CPAMD8: variants seen among roughly 807,000 people sequenced by gnomAD.
The protein encoded by CPAMD8 is C3 and PZP like alpha-2-macroglobulin domain containing 8.
A neutral mutation model predicts 224.7 loss-of-function variants in CPAMD8; 146 were observed. The observed-to-expected ratio is 0.65, with a 90% CI of 0.57 to 0.75. CPAMD8 has a LOEUF of 0.75. CPAMD8 is among the 30% of genes least tolerant of loss of function. The pLI is 0.00. For missense variants in CPAMD8, 2,301 were observed against 2,537.5 expected (o/e 0.91, Z 2.00); for synonymous variants, 966 against 1,044.6 (o/e 0.92, Z 1.45).
At chr19:16,966,547 G>C (rs2054833037) in intron 18 of CPAMD8, among the ~76,000 whole-genome samples, 1 of 152,142 alleles carries the variant, frequency 6.6e-6, no homozygotes, top group Non-Finnish European at 1.5e-5. Flanking sequence ...CCATCAGAGT[G>C]AACAGGCAAC....
intron 12 of CPAMD8, among the ~76,000 whole-genome samples, chr19:16,990,937 T>C (rs1166415243): frequency 6.9e-6 from 1 of 145,768 alleles, no homozygotes; most frequent in Non-Finnish European, 1.5e-5. Context: ...AGGTAGACTC[T>C]AAATAGGGTA....
chr19:16,989,603 T>A lies in CPAMD8; in HGVS notation c.1395+40A>T, dbSNP rs76804598. 6.2e-5 allele frequency: 99 copies of A among 1,592,994 alleles called. No homozygotes were observed. The Admixed American group carries it at 9.4e-4, about 15-fold the overall frequency. ...CACCTGGCTCATGCTGCTTTTTGGATCCCGCATGGCCCAGGAAGGGTAGCT... is the reference window on the plus strand; with the variant it reads ...CACCTGGCTCATGCTGCTTTTTGGAACCCGCATGGCCCAGGAAGGGTAGCT... On this transcript the variant is annotated intron_variant, in intron 13 of 41. Transcript: ENST00000443236.
rs1488498215 is a variant in CPAMD8, at chr19:16,896,543, C to A, written c.5188G>T (p.Val1730Phe). The A allele has an allele frequency of 4.7e-6, 7 of 1,497,054 alleles. No homozygotes were observed. Among genetic ancestry groups the A allele is most frequent in the Non-Finnish European group, 6.2e-6 (7 of 1,130,256 alleles). 92.7% of individuals were successfully genotyped at this position (1,497,054 alleles called of 1,614,324 possible). ...CGCAGGCGGCAGGCGCTGGCGTAGA[C>A]CACCCCGTCGGAGCCGCACACCGGG... ...GNPVCGSDGV[V>F]YASACRLREA... Residue 1730 changes from valine (V) to phenylalanine (F), a missense_variant, in exon 40 of 42, where the codon GTC becomes TTC. This residue lies in a region of CPAMD8 where 1,709 missense variants were observed against 1,753.2 expected (regional missense o/e 0.97). Transcript: ENST00000443236.
intron 20 of CPAMD8, among the ~76,000 whole-genome samples, chr19:16,948,863 AAAGGAAAGGG>A (rs2054196701): frequency 1.3e-4 from 6 of 45,286 alleles, no homozygotes; most frequent in African/African-American, 4.2e-4. Flanking sequence ...GAAGGGAGGG[AAAGGAAAGGG>A]AAGGGAAGGG....
chr19:16,980,602 T>C lies in CPAMD8; in HGVS notation c.1480A>G (p.Ile494Val). The change falls in exon 14 of 42, where the codon ATT (isoleucine) becomes GTT (valine). Residue 494 changes from isoleucine (I) to valine (V), a missense_variant. Physicochemically the swap from Ile to Val is conservative, Grantham distance 29. Around this residue, in one of 4 missense-constraint regions of CPAMD8, gnomAD observed 301 missense variants for 406.6 expected, o/e 0.74. Coordinates refer to ENST00000443236, the MANE Select transcript of CPAMD8 (RefSeq NM_015692.5). Reference sequence around the variant, plus strand: ...GCAGGCTGCTGGCCCGATAGCACAATATTGCCCCGTGCAGCCACCTCGTAG... The same window carrying C: ...GCAGGCTGCTGGCCCGATAGCACAACATTGCCCCGTGCAGCCACCTCGTAG... ...LYYEVAARGN[I>V]VLSGQQPAHT... 6.2e-7 allele frequency: 1 copy of C among 1,612,028 alleles called. No individual in the cohort carries two copies. The highest frequency in any genetic ancestry group is 8.5e-7 in the Non-Finnish European group (1 of 1,179,238).
intron 9 of CPAMD8, 77 bp downstream of exon 9, chr19:17,002,189 G>T (rs969121095): frequency 7.2e-6 from 7 of 970,614 alleles, no homozygotes; most frequent in South Asian, 2.9e-5. Context: ...GGAGGGGAAC[G>T]ACCTTGAGGG....
chr19:16,931,850 C>CATAT (rs1028458130), intron 23 of CPAMD8, among the ~76,000 whole-genome samples: 1 of 152,146 alleles, frequency 6.6e-6, no homozygotes, highest in Non-Finnish European at 1.5e-5. Flanking sequence ...CTAAAGAAAT[C>CATAT]ATATGGAGAC....
At chr19:17,002,543 G>T (rs1471149706) in intron 8 of CPAMD8, 193 bp from the exon 9 acceptor site, 2 of 498,908 alleles carry the variant, frequency 4.0e-6, no homozygotes, top group Non-Finnish European at 7.3e-6. Flanking sequence ...ATCTTTGGGG[G>T]ACTAGGACCC....
chr19:16,904,176 A>ACGCC, intron 32 of CPAMD8, 50 bp downstream of exon 32: 13 of 937,340 alleles, frequency 1.4e-5, no homozygotes, highest in Non-Finnish European at 1.8e-5. Flanking sequence ...GACTGCAGGG[A>ACGCC]CCCCACCCAC....
chr19:16,992,443 T>C (rs541143260), intron 12 of CPAMD8, among the ~76,000 whole-genome samples: 2 of 151,884 alleles, frequency 1.3e-5, no homozygotes, highest in East Asian at 3.9e-4. Context: ...ATTTATTATT[T>C]ATTTATTTGC....
intron 8 of CPAMD8, among the ~76,000 whole-genome samples, chr19:17,003,637 G>A (rs926159755): frequency 6.6e-6 from 1 of 151,374 alleles, no homozygotes; most frequent in Non-Finnish European, 1.5e-5. Flanking sequence ...AATTAACCAG[G>A]TGTGGTGGCT....
At chr19:17,008,838 A>T in intron 6 of CPAMD8, 1 of 499,024 alleles carries the variant, frequency 2.0e-6, no homozygotes, top group Non-Finnish European at 3.6e-6. Context: ...CTGTAATCCC[A>T]GCAGTTTGGG....
intron 30 of CPAMD8, among the ~76,000 whole-genome samples, chr19:16,906,239 G>GCATCT (rs1434843911): frequency 1.3e-5 from 2 of 152,028 alleles, no homozygotes; most frequent in Admixed American, 1.3e-4. Flanking sequence ...CAAGCAAAAG[G>GCATCT]CATCTCGTCA....
chr19:16,968,794 C>T (rs2054947976), intron 18 of CPAMD8, among the ~76,000 whole-genome samples: 1 of 152,008 alleles, frequency 6.6e-6, no homozygotes, highest in South Asian at 2.1e-4. Context: ...CATGAGCCAC[C>T]ACACATGGTT....
At chr19:17,008,995 C>T (rs1020440364) in intron 6 of CPAMD8, among the ~76,000 whole-genome samples, 1 of 151,966 alleles carries the variant, frequency 6.6e-6, no homozygotes, top group Non-Finnish European at 1.5e-5. Flanking sequence ...ACTCGGGAGG[C>T]TGAGGAAGGA....
rs1404228719 is a variant in CPAMD8, at chr19:17,009,475, A to AT, written c.487-156_487-155insA. On this transcript the variant is annotated intron_variant, in intron 5 of 41. Coordinates refer to ENST00000443236, the MANE Select transcript of CPAMD8 (RefSeq NM_015692.5). ...TTACATCCGTTGAATCCTAACCCCA[A>AT]GTAGGGTCTTTAGAAAGACTCATTA... 3.1e-5 allele frequency: 41 copies of AT among 1,312,974 alleles called. 1 individual carries two copies. Among genetic ancestry groups the AT allele is most frequent in the Middle Eastern group, 1.9e-4 (1 of 5,234 alleles). 81.3% of individuals were successfully genotyped at this position (1,312,974 alleles called of 1,614,324 possible). A position where few individuals can be genotyped will look rare whatever the true frequency, so the allele number is the denominator to read the frequency against.
chr19:16,896,761 G>T, intron 39 of CPAMD8, 96 bp from the exon 40 acceptor site: 1 of 871,920 alleles, frequency 1.1e-6, no homozygotes, highest in Non-Finnish European at 1.6e-6. Flanking sequence ...TGGGTCCCGG[G>T]CCCACTACCC....
At chr19:16,994,185 A>G (rs935688090) in intron 11 of CPAMD8, among the ~76,000 whole-genome samples, 12 of 152,210 alleles carry the variant, frequency 7.9e-5, no homozygotes, top group African/African-American at 2.7e-4. Context: ...TCACAGACCT[A>G]AATGTAACAG....
At position 16,975,055 on chromosome 19, in the gene CPAMD8, A is replaced by C. The variant is rs62125980; in HGVS notation, c.2070+42T>G. On this transcript the variant is annotated intron_variant, in intron 17 of 41. Coordinates refer to ENST00000443236, the MANE Select transcript of CPAMD8 (RefSeq NM_015692.5). ...AGACTCTTATTTCTAGGCAAGAGGA[A>C]CTTAGAAGGGGGCAGAGGGATCTGA... is the stretch of plus-strand genomic sequence containing the variant. 0.27 allele frequency: 431,898 copies of C among 1,584,268 alleles called. 62,476 individuals carry two copies. Among genetic ancestry groups the C allele is most frequent in the African/African-American group, 0.5 (37,326 of 74,254 alleles).
Sources: allele counts gnomAD v4.1 joint callset (sites outside exome capture counted in the v4.1 genomes callset), GRCh38; gene constraint gnomAD v4.1.1; regional missense constraint gnomAD v4.1.1; transcripts MANE v1.5; gene names NCBI Gene and HGNC (gene_info 2026-07-23, HGNC 2026-07-21).